MAP2K6: variants seen among roughly 807,000 people sequenced by gnomAD.
MAP2K6 encodes dual specificity mitogen-activated protein kinase kinase 6.
MAP2K6 carries 16 observed loss-of-function variants against 53.7 expected under a neutral mutation model. That is an observed-to-expected ratio of 0.30 (90% CI 0.20 to 0.45). The LOEUF (loss-of-function observed/expected upper bound fraction) is 0.45, where lower values mean the gene tolerates loss of function less well. Ranked by LOEUF, MAP2K6 falls within the 20% of genes least tolerant of loss-of-function variation. MAP2K6 has a pLI of 1.00. For synonymous variants in MAP2K6, 132 were observed against 143.1 expected, an observed-to-expected ratio of 0.92 and a Z score of 0.55; for missense variants, 204 against 411.9, an observed-to-expected ratio of 0.50 and a Z score of 4.37.
At position 69,517,601 on chromosome 17, in the gene MAP2K6, C is replaced by A; in HGVS notation, c.234C>A (p.Ile78=). The A allele has an allele frequency of 1.9e-6, 3 of 1,599,042 alleles. No homozygotes were observed. The change falls in exon 4 of 12, where the codon ATC becomes ATA. Residue 78 remains isoleucine (I), a synonymous_variant. Coordinates refer to ENST00000590474, the MANE Select transcript of MAP2K6 (RefSeq NM_002758.4). ...EKMRHVPSGQ[I]MAVKRIRATV... is the part of the protein sequence containing the mutation. Reference sequence around the variant, plus strand: ...TGCGGCACGTGCCCAGCGGGCAGATCATGGCAGTGAAGGTAGAGTTGACAT... The same window carrying A: ...TGCGGCACGTGCCCAGCGGGCAGATAATGGCAGTGAAGGTAGAGTTGACAT...
Position 69,414,726 on chromosome 17 carries a change from G to T in MAP2K6, c.-259G>T, listed in dbSNP as rs950852138. On this transcript the variant is annotated 5_prime_UTR_variant, in exon 1 of 12. Transcript: ENST00000590474. ...CCAAGTTTGGAGCTTTTAGCTGCCA[G>T]CCCTGGCCCATCATGTAGCTGCAGC... 6 of 463,380 alleles carry T rather than the reference G, an allele frequency of 1.3e-5. No homozygotes were observed. The highest frequency in any genetic ancestry group is 1.9e-5 in the Non-Finnish European group (5 of 257,140). 28.7% of individuals were successfully genotyped at this position (463,380 alleles called of 1,614,324 possible).
chr17:69,508,888 G>A (rs1909665414), intron 2 of MAP2K6, among the ~76,000 whole-genome samples: 1 of 152,156 alleles, frequency 6.6e-6, no homozygotes, highest in East Asian at 1.9e-4. Flanking sequence ...CCATTGAATT[G>A]CTTCTGCTCC....
At chr17:69,463,737 A>ATTT (rs1907707698) in intron 1 of MAP2K6, among the ~76,000 whole-genome samples, 1 of 151,916 alleles carries the variant, frequency 6.6e-6, no homozygotes. Flanking sequence ...TCTACTTAGA[A>ATTT]AGAATTTTAT....
intron 1 of MAP2K6, among the ~76,000 whole-genome samples, chr17:69,482,512 ATT>A (rs533571443): frequency 6.9e-6 from 1 of 145,666 alleles, no homozygotes; most frequent in Non-Finnish European, 1.5e-5. Context: ...CCATTTGTGT[ATT>A]TTTTTTTTTG....
intron 1 of MAP2K6, among the ~76,000 whole-genome samples, chr17:69,467,932 AT>A (rs1242166702): frequency 6.6e-6 from 1 of 151,824 alleles, no homozygotes; most frequent in African/African-American, 2.4e-5. Context: ...CGCCCAGCTA[AT>A]TTTTGTATTT....
chr17:69,434,770 A>G (rs1906583277), intron 1 of MAP2K6: 1 of 152,200 alleles, frequency 6.6e-6, no homozygotes, highest in Non-Finnish European at 1.5e-5. Flanking sequence ...CTTAGCAACA[A>G]ATCAGAGAAA....
chr17:69,519,741 A>G (rs945017381), intron 5 of MAP2K6: 7 of 287,248 alleles, frequency 2.4e-5, no homozygotes, highest in African/African-American at 1.4e-4. Flanking sequence ...ATAATTTGAA[A>G]TATTCTGGTC....
intron 1 of MAP2K6, among the ~76,000 whole-genome samples, chr17:69,457,978 A>G (rs758996568): frequency 2.3e-4 from 35 of 152,010 alleles, no homozygotes; most frequent in Non-Finnish European, 4.6e-4. Flanking sequence ...CCTATAACAC[A>G]ATACCTTAGA....
chr17:69,514,004 A>T (rs946041794), intron 2 of MAP2K6, among the ~76,000 whole-genome samples: 1 of 151,868 alleles, frequency 6.6e-6, no homozygotes, highest in Non-Finnish European at 1.5e-5. Flanking sequence ...GCTACTTGGG[A>T]GGCTGAGGCA....
At chr17:69,486,869 C>T (rs1397894962) in intron 1 of MAP2K6, among the ~76,000 whole-genome samples, 1 of 152,144 alleles carries the variant, frequency 6.6e-6, no homozygotes, top group East Asian at 1.9e-4. Flanking sequence ...TTCTCAAACA[C>T]CAGAGCACCG....
intron 10 of MAP2K6, among the ~76,000 whole-genome samples, chr17:69,531,212 A>G (rs971632489): frequency 1.3e-5 from 2 of 152,218 alleles, no homozygotes; most frequent in African/African-American, 4.8e-5. Flanking sequence ...CAAGATAGAT[A>G]CATCTATGTT....
rs542785796 is a variant in MAP2K6 at position 69,428,870 on chromosome 17, T to G, written c.16+13870T>G. On this transcript the variant is annotated intron_variant, in intron 1 of 11. Transcript: ENST00000590474. ...TTCTTCTGTTTTTGTTTTTGTTTTT[T>G]TTTTTTTTAATTGTTAATGACAGAC... 1.5e-4 allele frequency among the ~76,000 whole-genome samples: 22 copies of G among 151,282 alleles called. No individual in the cohort carries two copies. In the South Asian group the frequency reaches 1.5e-3, roughly 10 times the overall value.
intron 1 of MAP2K6, among the ~76,000 whole-genome samples, chr17:69,449,830 G>T (rs977293988): frequency 1.3e-5 from 2 of 150,832 alleles, no homozygotes; most frequent in Admixed American, 6.6e-5. Context: ...AGCCAGGATG[G>T]TCTCGATCTC....
intron 1 of MAP2K6, among the ~76,000 whole-genome samples, chr17:69,419,459 T>C (rs1231108188): frequency 6.6e-6 from 1 of 152,218 alleles, no homozygotes; most frequent in Non-Finnish European, 1.5e-5. Flanking sequence ...AGGAAGATGG[T>C]ACCTTTCTTC....
chr17:69,432,898 C>A (rs1186224730), intron 1 of MAP2K6, among the ~76,000 whole-genome samples: 2 of 151,402 alleles, frequency 1.3e-5, no homozygotes, highest in African/African-American at 4.9e-5. Context: ...AGACTCAGAC[C>A]ATATACACTA....
chr17:69,421,880 A>C (rs1906094367), intron 1 of MAP2K6, among the ~76,000 whole-genome samples: 1 of 151,796 alleles, frequency 6.6e-6, no homozygotes, highest in Non-Finnish European at 1.5e-5. Flanking sequence ...GCCCTCTAAC[A>C]AAACAGGGAA....
chr17:69,512,584 G>A (rs1413274954), intron 2 of MAP2K6, among the ~76,000 whole-genome samples: 2 of 151,990 alleles, frequency 1.3e-5, no homozygotes, highest in Non-Finnish European at 2.9e-5. Context: ...TGATCCACCT[G>A]CCTCAGCCTC....
intron 1 of MAP2K6, among the ~76,000 whole-genome samples, chr17:69,450,635 G>A (rs189804735): frequency 3.3e-5 from 5 of 152,136 alleles, no homozygotes; most frequent in Admixed American, 6.5e-5. Flanking sequence ...GCAACGGAAT[G>A]TCTTTTCCTT....
At chr17:69,449,990 A>T (rs1038747217) in intron 1 of MAP2K6, among the ~76,000 whole-genome samples, 4 of 151,546 alleles carry the variant, frequency 2.6e-5, no homozygotes, top group African/African-American at 7.3e-5. Flanking sequence ...GCTGGAGTGC[A>T]GTGGCGCGAT....
Sources: gnomAD v4.1 joint callset for allele counts (sites outside exome capture counted in the v4.1 genomes callset) on GRCh38, gnomAD v4.1.1 for gene constraint, MANE v1.5 for transcripts, NCBI Gene and HGNC (gene_info 2026-07-23, HGNC 2026-07-21) for gene names.